C1QL3: variants seen among roughly 807,000 people sequenced by gnomAD.
C1QL3 encodes the protein complement C1q like 3.
Under a neutral mutation model 16.6 loss-of-function variants are expected in C1QL3, and 4 were observed. That is an observed-to-expected ratio of 0.24 (90% CI 0.12 to 0.55). C1QL3 has a LOEUF of 0.55. Ranked by LOEUF, C1QL3 falls within the 20% of genes least tolerant of loss-of-function variation. The pLI is 0.94. For missense variants in C1QL3, 269 were observed against 365.6 expected (o/e 0.74, Z 2.16); for synonymous variants, 189 against 160.2 (o/e 1.18, Z -1.36).
chr10:16,520,250 G>A lies in C1QL3; in HGVS notation c.588+228C>T, dbSNP rs1015182154. Among the ~76,000 whole-genome samples, 1 of 152,068 alleles carries A rather than the reference G, an allele frequency of 6.6e-6. No individual in the cohort carries two copies. The highest frequency in any genetic ancestry group is 1.5e-5 in the Non-Finnish European group (1 of 67,990). On this transcript the variant is annotated intron_variant, in intron 1 of 1. Transcript: ENST00000298943. The surrounding 1 kb of genome is among the most constrained non-coding windows in gnomAD (Gnocchi z 8.3). ...CTCGCAGGGGCGCGCACCGATCGAG[G>A]GTCCCAGACTCCGGAACTGCCCTCT...
rs978968900 is a variant in C1QL3, at chr10:16,521,268, C to G, written c.-203G>C. 30 of 532,660 alleles carry G rather than the reference C, an allele frequency of 5.6e-5. No individual in the cohort carries two copies. Among genetic ancestry groups the G allele is most frequent in the African/African-American group, 2.8e-4 (14 of 49,230 alleles). The allele number at this position is 532,660 out of a possible 1,614,324, so 33.0% of individuals were successfully genotyped here. A position where few individuals can be genotyped will look rare whatever the true frequency, so the allele number is the denominator to read the frequency against. The stretch of plus-strand genomic sequence containing the variant: ...CCGCTGCTGCCGACTCCTGCTCCCC[C>G]CGCGGAGGCTGCGGCTGGGGAGGGA... On this transcript the variant is annotated 5_prime_UTR_variant, in exon 1 of 2. Coordinates refer to ENST00000298943, the MANE Select transcript of C1QL3 (RefSeq NM_001010908.2).
In C1QL3 at chr10:16,521,255, A is replaced by C; in HGVS notation, c.-190T>G. 1 of 543,848 alleles carries C rather than the reference A, an allele frequency of 1.8e-6. No individual in the cohort carries two copies. The highest frequency in any genetic ancestry group is 3.2e-6 in the Non-Finnish European group (1 of 314,960). 33.7% of individuals were successfully genotyped at this position (543,848 alleles called of 1,614,324 possible). A position where few individuals can be genotyped will look rare whatever the true frequency, so the allele number is the denominator to read the frequency against. On this transcript the variant is annotated 5_prime_UTR_variant, in exon 1 of 2. Transcript: ENST00000298943. ...GTGCGTGCGCCGGCCGCTGCTGCCG[A>C]CTCCTGCTCCCCCCGCGGAGGCTGC...
In C1QL3 at chr10:16,520,441, T is replaced by TCCCA; in HGVS notation, c.588+36_588+37insTGGG. 2 of 1,227,532 alleles carry TCCCA rather than the reference T, an allele frequency of 1.6e-6. No individual in the cohort carries two copies. Among genetic ancestry groups the TCCCA allele is most frequent in the Non-Finnish European group, 2.3e-6 (2 of 881,044 alleles). 76.0% of individuals were successfully genotyped at this position (1,227,532 alleles called of 1,614,324 possible). ...CCCTCTCGCCCGCACCTTCCCGCGC[T>TCCCA]CCCTCCCCGCCCTCCCCGCCGCCCG... On this transcript the variant is annotated intron_variant, in intron 1 of 1. Coordinates refer to ENST00000298943, the MANE Select transcript of C1QL3 (RefSeq NM_001010908.2). This position sits in a 1 kb window ranked among gnomAD's most constrained non-coding sequence, Gnocchi z 8.3.
Position 16,521,139 on chromosome 10 carries a change from T to C in C1QL3, c.-74A>G. ...CAGCCGGCTCAGCGCGGGGCGATCC[T>C]CTTGTCTGCTTTTGGACAGAATTTT... On this transcript the variant is annotated 5_prime_UTR_variant, in exon 1 of 2. Coordinates refer to ENST00000298943, the MANE Select transcript of C1QL3 (RefSeq NM_001010908.2). 1 of 1,360,758 alleles carries C rather than the reference T, an allele frequency of 7.3e-7. No individual in the cohort carries two copies. Among genetic ancestry groups the C allele is most frequent in the Non-Finnish European group, 1.0e-6 (1 of 992,590 alleles). The allele number at this position is 1,360,758 out of a possible 1,614,324, so 84.3% of individuals were successfully genotyped here.
chr10:16,517,792 TTTAA>T (rs1189202743), intron 1 of C1QL3, among the ~76,000 whole-genome samples: 3 of 152,242 alleles, frequency 2.0e-5, no homozygotes, highest in Non-Finnish European at 2.9e-5. Flanking sequence ...ACATTTGTAA[TTTAA>T]TTAATTGCTA....
Position 16,520,544 on chromosome 10 carries a change from G to A in C1QL3, c.522C>T (p.Thr174=), listed in dbSNP as rs1837024865. The A allele has an allele frequency of 2.5e-6, 4 of 1,612,710 alleles. No homozygotes were observed. Among genetic ancestry groups the A allele is most frequent in the Non-Finnish European group, 3.4e-6 (4 of 1,179,386 alleles). Residue 174 remains threonine (T), a synonymous_variant, in exon 1 of 2, where the codon ACC becomes ACT. Transcript: ENST00000298943. This position sits in a 1 kb window ranked among gnomAD's most constrained non-coding sequence, Gnocchi z 8.3. ...TCSIPGIYFF[T]YHVLMRGGDG... ...CCCCTCCGCGCATCAGGACGTGGTAGGTGAAGAAGTAGATGCCCGGGATGG... is the reference window on the plus strand; with the variant it reads ...CCCCTCCGCGCATCAGGACGTGGTAAGTGAAGAAGTAGATGCCCGGGATGG...
At chr10:16,517,597 T>C (rs1836972499) in intron 1 of C1QL3, among the ~76,000 whole-genome samples, 9 of 152,200 alleles carry the variant, frequency 5.9e-5, no homozygotes, top group Admixed American at 5.9e-4. Context: ...GTTGAACTTT[T>C]ACCTTTAATA....
Position 16,514,071 on chromosome 10 carries a change from C to A in C1QL3, c.*457G>T. 1 of 367,504 alleles carries A rather than the reference C, an allele frequency of 2.7e-6. No individual in the cohort carries two copies. The allele number at this position is 367,504 out of a possible 1,614,324, so 22.8% of individuals were successfully genotyped here. On this transcript the variant is annotated 3_prime_UTR_variant, in exon 2 of 2. Transcript: ENST00000298943. ...ACAAGCAGCATTATTTCAATTAGAC[C>A]TTCTCCTGCAGGGCAAAAATCATTC...
intron 1 of C1QL3, among the ~76,000 whole-genome samples, chr10:16,519,851 T>A (rs1482542750): frequency 6.6e-6 from 1 of 152,114 alleles, no homozygotes; most frequent in African/African-American, 2.4e-5. Context: ...CCCTCCGCTA[T>A]TTTTTGGCTG....
intron 1 of C1QL3, among the ~76,000 whole-genome samples, chr10:16,519,298 C>G (rs1837001473): frequency 1.3e-5 from 2 of 151,590 alleles, no homozygotes; most frequent in Non-Finnish European, 2.9e-5. Context: ...CAATAGACCT[C>G]GTTAAGTCAA....
chr10:16,514,733 A>T (rs1836921408), intron 1 of C1QL3, 26 bp from the exon 2 acceptor site: 2 of 1,560,882 alleles, frequency 1.3e-6, no homozygotes, highest in African/African-American at 1.4e-5. Context: ...AAGAATTAGG[A>T]TGCGTAAATG....
In C1QL3 at chr10:16,515,409, A is replaced by T. The variant is rs1288868652; in HGVS notation, c.589-702T>A. 3.3e-5 allele frequency among the ~76,000 whole-genome samples: 5 copies of T among 152,104 alleles called. No individual in the cohort carries two copies. The East Asian group carries it at 9.6e-4, about 29-fold the overall frequency. On this transcript the variant is annotated intron_variant, in intron 1 of 1. Coordinates refer to ENST00000298943, the MANE Select transcript of C1QL3 (RefSeq NM_001010908.2). ...TTACTTAACTATGACATGTGCATTT[A>T]AATCAAGAATTTAACCTCAACATAT...
At chr10:16,517,323 A>G (rs1249161354) in intron 1 of C1QL3, among the ~76,000 whole-genome samples, 1 of 152,232 alleles carries the variant, frequency 6.6e-6, no homozygotes, top group East Asian at 1.9e-4. Flanking sequence ...TAATAAGCGA[A>G]TACCAACCCA....
In C1QL3 at chr10:16,514,327, C is replaced by T; in HGVS notation, c.*201G>A. On this transcript the variant is annotated 3_prime_UTR_variant, in exon 2 of 2. Coordinates refer to ENST00000298943, the MANE Select transcript of C1QL3 (RefSeq NM_001010908.2). ...TATTTGCTTTGGCGGTAGTGGATCACACATCTGCTTATCTTGCTTTGATAT... is the reference window on the plus strand; with the variant it reads ...TATTTGCTTTGGCGGTAGTGGATCATACATCTGCTTATCTTGCTTTGATAT... 1.7e-6 allele frequency: 1 copy of T among 585,602 alleles called. No homozygotes were observed. Among genetic ancestry groups the T allele is most frequent in the Non-Finnish European group, 3.0e-6 (1 of 331,412 alleles). The allele number at this position is 585,602 out of a possible 1,614,324, so 36.3% of individuals were successfully genotyped here.
Position 16,514,090 on chromosome 10 carries a change from A to G in C1QL3, c.*438T>C, listed in dbSNP as rs2133535006. ...TTAGACCTTCTCCTGCAGGGCAAAAATCATTCTTCCCCACACTATGAATGG... is the reference window on the plus strand; with the variant it reads ...TTAGACCTTCTCCTGCAGGGCAAAAGTCATTCTTCCCCACACTATGAATGG... On this transcript the variant is annotated 3_prime_UTR_variant, in exon 2 of 2. Coordinates refer to ENST00000298943, the MANE Select transcript of C1QL3 (RefSeq NM_001010908.2). The G allele has an allele frequency of 2.6e-6, 1 of 381,946 alleles. No homozygotes were observed. The highest frequency in any genetic ancestry group is 2.1e-5 in the African/African-American group (1 of 48,380). 23.7% of individuals were successfully genotyped at this position (381,946 alleles called of 1,614,324 possible). A position where few individuals can be genotyped will look rare whatever the true frequency, so the allele number is the denominator to read the frequency against.
At position 16,514,391 on chromosome 10, in the gene C1QL3, A is replaced by G; in HGVS notation, c.*137T>C. ...TTTCTGAGTGATACAGATGTGAGTC[A>G]GGTAGCATTTGATTTCCCCACATAT... On this transcript the variant is annotated 3_prime_UTR_variant, in exon 2 of 2. Coordinates refer to ENST00000298943, the MANE Select transcript of C1QL3 (RefSeq NM_001010908.2). 1.5e-6 allele frequency: 1 copy of G among 666,970 alleles called. No individual in the cohort carries two copies. Among genetic ancestry groups the G allele is most frequent in the Non-Finnish European group, 2.6e-6 (1 of 380,250 alleles). The allele number at this position is 666,970 out of a possible 1,614,324, so 41.3% of individuals were successfully genotyped here. A position where few individuals can be genotyped will look rare whatever the true frequency, so the allele number is the denominator to read the frequency against.
rs750256284 is a variant in C1QL3, at chr10:16,520,500, G to C, written c.566C>G (p.Ala189Gly). Residue 189 changes from alanine to glycine, a missense_variant, in exon 1 of 2, where the codon GCT becomes GGT. Ala to Gly is a moderately conservative substitution (Grantham distance 60). Transcript: ENST00000298943. The surrounding 1 kb of genome is among the most constrained non-coding windows in gnomAD (Gnocchi z 8.3). ...CACCTGGTTGTTTTTGCAGAGATCA[G>C]CCCACATGCTGGTGCCGTCCCCTCC... is the stretch of plus-strand genomic sequence containing the variant. ...MRGGDGTSMW[A>G]DLCKNNQVRA... 1.3e-6 allele frequency: 2 copies of C among 1,531,512 alleles called. No individual in the cohort carries two copies. Among genetic ancestry groups the C allele is most frequent in the Non-Finnish European group, 8.9e-7 (1 of 1,129,590 alleles). The allele number at this position is 1,531,512 out of a possible 1,614,324, so 94.9% of individuals were successfully genotyped here.
Position 16,520,594 on chromosome 10 carries a change from G to A in C1QL3, c.472C>T (p.Pro158Ser), listed in dbSNP as rs1425482340. The A allele has an allele frequency of 3.1e-6, 5 of 1,613,744 alleles. No homozygotes were observed. In the South Asian group the frequency reaches 5.5e-5, roughly 18 times the overall value. ...GAGCAGGTGAACTTGCCGGTGGTGG[G>A]GTCGTAGTGGTTTCCGAGGTTGGTG... is the stretch of plus-strand genomic sequence containing the variant. ...VVTNLGNHYDPTTGKFTCSIP... is the reference protein window; with the variant it reads ...VVTNLGNHYDSTTGKFTCSIP... Residue 158 changes from proline to serine, a missense_variant, in exon 1 of 2, where the codon CCC (proline) becomes TCC (serine). By Grantham distance (74) the Pro-to-Ser change is moderately conservative. Around this residue, in one of 2 missense-constraint regions of C1QL3, gnomAD observed 246 missense variants for 297.2 expected, o/e 0.83. Transcript: ENST00000298943. This position sits in a 1 kb window ranked among gnomAD's most constrained non-coding sequence, Gnocchi z 8.3.
intron 1 of C1QL3, among the ~76,000 whole-genome samples, chr10:16,518,496 A>T (rs1012105828): frequency 3.9e-5 from 6 of 152,212 alleles, no homozygotes; most frequent in Non-Finnish European, 8.8e-5. Flanking sequence ...ACAAAGGAAG[A>T]TTTTACACCC....
Sources: allele counts gnomAD v4.1 joint callset (sites outside exome capture counted in the v4.1 genomes callset), GRCh38; gene constraint gnomAD v4.1.1; regional missense constraint gnomAD v4.1.1; non-coding constraint Gnocchi (gnomAD v3.1); transcripts MANE v1.5; gene names NCBI Gene and HGNC (gene_info 2026-07-23, HGNC 2026-07-21).